Variants in PPARGC1A observed in about 807,000 individuals in gnomAD.
PPARGC1A encodes PPARG coactivator 1 alpha.
In PPARGC1A, 25 loss-of-function variants were observed where a neutral mutation model predicts 88.7. That is an observed-to-expected ratio of 0.28 (90% CI 0.21 to 0.39). The LOEUF is 0.39. Among genes scored for constraint, PPARGC1A ranks in the 10% least tolerant of loss-of-function variants. The probability of loss-of-function intolerance (pLI) is 1.00; values close to 1 mark genes in which losing one functional copy is unlikely to be tolerated. For synonymous variants in PPARGC1A, 363 were observed against 355.6 expected, an observed-to-expected ratio of 1.02 and a Z score of -0.24; for missense variants, 880 against 968.7, an observed-to-expected ratio of 0.91 and a Z score of 1.22.
At chr4:24,123,877 G>A in the PPARGC1A span, among the ~76,000 whole-genome samples, 1 of 144,554 alleles carries the variant, frequency 6.9e-6, no homozygotes, top group African/African-American at 2.6e-5. Flanking sequence ...TCATGCCTTT[G>A]CTAAGCTTGA....
chr4:24,069,900 A>G, the PPARGC1A span, among the ~76,000 whole-genome samples: 1 of 152,320 alleles, frequency 6.6e-6, no homozygotes, highest in South Asian at 2.1e-4. Flanking sequence ...CCCAGGCCCT[A>G]TAAACTCTAA....
the PPARGC1A span, among the ~76,000 whole-genome samples, chr4:23,999,871 C>G: frequency 1.3e-5 from 2 of 152,026 alleles, no homozygotes; most frequent in South Asian, 4.2e-4. Flanking sequence ...AGGACTCCAA[C>G]GTGTAGACCT....
chr4:24,266,765 G>A, the PPARGC1A span, among the ~76,000 whole-genome samples: 3 of 152,114 alleles, frequency 2.0e-5, no homozygotes, highest in East Asian at 1.9e-4. Context: ...CGGAGGGAGC[G>A]CCATCCTCAG....
chr4:24,389,873 T>C, the PPARGC1A span, among the ~76,000 whole-genome samples: 2 of 152,102 alleles, frequency 1.3e-5, no homozygotes, highest in African/African-American at 4.8e-5. Context: ...TAAGGGAGGC[T>C]TTGTTCTAAA....
At chr4:23,945,814 C>A in the PPARGC1A span, among the ~76,000 whole-genome samples, 1 of 152,132 alleles carries the variant, frequency 6.6e-6, no homozygotes, top group African/African-American at 2.4e-5. Flanking sequence ...AACTTGCTAC[C>A]GTTGCAAGGA....
At chr4:24,104,694 G>A in the PPARGC1A span, among the ~76,000 whole-genome samples, 1 of 152,084 alleles carries the variant, frequency 6.6e-6, no homozygotes. Flanking sequence ...GACAAAAGCA[G>A]GAATGGGGCT....
the PPARGC1A span, among the ~76,000 whole-genome samples, chr4:24,122,233 A>G: frequency 1.3e-5 from 2 of 152,058 alleles, no homozygotes; most frequent in Non-Finnish European, 2.9e-5. Flanking sequence ...AAGCAGCAAG[A>G]AAGAACTCAC....
the PPARGC1A span, among the ~76,000 whole-genome samples, chr4:24,201,376 A>G: frequency 6.6e-6 from 1 of 152,254 alleles, no homozygotes; most frequent in Non-Finnish European, 1.5e-5. Flanking sequence ...CACTTTGGAT[A>G]GAAGGAGAAA....
the PPARGC1A span, among the ~76,000 whole-genome samples, chr4:24,382,650 G>A: frequency 6.6e-6 from 1 of 152,222 alleles, no homozygotes. Flanking sequence ...TCATTAAAAT[G>A]ATACTGACAG....
At chr4:24,405,514 T>C in the PPARGC1A span, among the ~76,000 whole-genome samples, 2 of 152,164 alleles carry the variant, frequency 1.3e-5, no homozygotes, top group Admixed American at 6.5e-5. Flanking sequence ...TATGGGAAAA[T>C]CTGTTCTATA....
the PPARGC1A span, among the ~76,000 whole-genome samples, chr4:24,245,641 GAC>G: frequency 6.6e-6 from 1 of 152,170 alleles, no homozygotes; most frequent in African/African-American, 2.4e-5. Flanking sequence ...CACACAGCTT[GAC>G]AACCTGCCAG....
At chr4:23,849,807 ATTT>A (rs201793553) in intron 2 of PPARGC1A, among the ~76,000 whole-genome samples, 1 of 144,510 alleles carries the variant, frequency 6.9e-6, no homozygotes. Context: ...TAGATTTAGA[ATTT>A]TTTTTTTTTT....
chr4:24,393,013 G>GCACA, the PPARGC1A span, among the ~76,000 whole-genome samples: 11 of 146,096 alleles, frequency 7.5e-5, no homozygotes, highest in Admixed American at 3.4e-4. Context: ...TGCTCCATCA[G>GCACA]CACACACACA....
At chr4:24,200,163 T>A in the PPARGC1A span, among the ~76,000 whole-genome samples, 2 of 152,142 alleles carry the variant, frequency 1.3e-5, no homozygotes, top group Non-Finnish European at 2.9e-5. Flanking sequence ...GGGATGTATA[T>A]ACAGCATGAT....
chr4:24,119,609 T>A, the PPARGC1A span, among the ~76,000 whole-genome samples: 1 of 152,128 alleles, frequency 6.6e-6, no homozygotes, highest in Non-Finnish European at 1.5e-5. Context: ...TAAACACACT[T>A]AGCACAAAAA....
At chr4:24,384,892 C>A in the PPARGC1A span, among the ~76,000 whole-genome samples, 1 of 152,118 alleles carries the variant, frequency 6.6e-6, no homozygotes, top group African/African-American at 2.4e-5. Context: ...ACCAAGCAGA[C>A]CTAATAGACA....
At chr4:24,164,174 T>A in the PPARGC1A span, among the ~76,000 whole-genome samples, 1 of 152,200 alleles carries the variant, frequency 6.6e-6, no homozygotes, top group South Asian at 2.1e-4. Context: ...TAAACTGACT[T>A]AAACAGGTGT....
chr4:24,403,063 T>C, the PPARGC1A span, among the ~76,000 whole-genome samples: 5 of 152,184 alleles, frequency 3.3e-5, no homozygotes, highest in Non-Finnish European at 7.4e-5. Flanking sequence ...GAAATTAAGT[T>C]CAGAGCAGCC....
At chr4:23,961,704 C>G in the PPARGC1A span, among the ~76,000 whole-genome samples, 2 of 152,124 alleles carry the variant, frequency 1.3e-5, no homozygotes, top group East Asian at 3.9e-4. Flanking sequence ...CCCACAAGCC[C>G]CCTGTGCCAG....
Sources: gnomAD v4.1 joint callset for allele counts (sites outside exome capture counted in the v4.1 genomes callset) on GRCh38, gnomAD v4.1.1 for gene constraint, MANE v1.5 for transcripts, NCBI Gene and HGNC (gene_info 2026-07-23, HGNC 2026-07-21) for gene names.